The following TBC1D4 variants were observed in gnomAD, a reference collection of about 807,000 sequenced individuals.
The protein encoded by TBC1D4 is TBC (Tre-2, BUB2, CDC16) domain-containing protein.
In TBC1D4, 121 loss-of-function variants were observed where a neutral mutation model predicts 142.5. That is an observed-to-expected ratio of 0.85 (90% CI 0.73 to 0.99). TBC1D4 has a LOEUF of 0.99. TBC1D4 is among the 50% of genes least tolerant of loss of function. The probability of loss-of-function intolerance (pLI) is 0.00; values close to 1 mark genes in which losing one functional copy is unlikely to be tolerated. For synonymous variants in TBC1D4, 630 were observed against 628.2 expected (o/e 1.00, Z -0.04); for missense variants, 1,475 against 1,606.6 (o/e 0.92, Z 1.40).
chr13:75,341,513 T>C lies in TBC1D4; in HGVS notation c.1483A>G (p.Ile495Val), dbSNP rs766659523. ...AATGTTACCTGAACTCTTTCAAAGATGTCAGCTTGCTCATTATCTGTCAGT... is the reference window on the plus strand; with the variant it reads ...AATGTTACCTGAACTCTTTCAAAGACGTCAGCTTGCTCATTATCTGTCAGT... ...SSLTDNEQAD[I>V]FERVQKMKPV... Residue 495 changes from isoleucine to valine, a missense_variant, in exon 6 of 21, where the codon ATC becomes GTC. Physicochemically the swap from Ile to Val is conservative, Grantham distance 29. This residue lies in a region of TBC1D4 where 1,227 missense variants were observed against 1,267.7 expected (regional missense o/e 0.97). Transcript: ENST00000377636. 46 of 1,614,058 alleles carry C rather than the reference T, an allele frequency of 2.8e-5. No homozygotes were observed. The highest frequency in any genetic ancestry group is 3.8e-5 in the Non-Finnish European group (45 of 1,179,978).
intron 1 of TBC1D4, among the ~76,000 whole-genome samples, chr13:75,401,390 G>A (rs1272045634): frequency 2.0e-5 from 3 of 152,036 alleles, no homozygotes; most frequent in East Asian, 1.9e-4. Context: ...CATCAGATAT[G>A]TCAGTCAAGG....
At chr13:75,293,454 T>C (rs1043062512) in intron 18 of TBC1D4, among the ~76,000 whole-genome samples, 28 of 152,204 alleles carry the variant, frequency 1.8e-4, no homozygotes, top group African/African-American at 6.8e-4. Flanking sequence ...TTTCTTGAAC[T>C]CTTGATATCA....
chr13:75,372,139 C>T (rs1393466994), intron 1 of TBC1D4, among the ~76,000 whole-genome samples: 4 of 152,078 alleles, frequency 2.6e-5, no homozygotes, highest in Non-Finnish European at 5.9e-5. Context: ...TCTTTATTTT[C>T]GAGATCCATG....
chr13:75,384,156 C>T (rs1884032024), intron 1 of TBC1D4, among the ~76,000 whole-genome samples: 3 of 152,150 alleles, frequency 2.0e-5, no homozygotes, highest in Non-Finnish European at 4.4e-5. Context: ...GGTGCAGTGG[C>T]TCACGCCTGT....
intron 8 of TBC1D4, among the ~76,000 whole-genome samples, chr13:75,332,986 A>G (rs944050525): frequency 9.8e-5 from 15 of 152,382 alleles, no homozygotes; most frequent in Non-Finnish European, 7.3e-5. Context: ...TAATGCTACT[A>G]AGGTTAAACA....
At chr13:75,473,315 ATAACCCATTAT>A (rs1416011032) in intron 1 of TBC1D4, among the ~76,000 whole-genome samples, 5 of 152,238 alleles carry the variant, frequency 3.3e-5, no homozygotes, top group African/African-American at 1.2e-4. Context: ...TCCAAGTTAC[ATAACCCATTAT>A]TAAAAATATA....
intron 1 of TBC1D4, among the ~76,000 whole-genome samples, chr13:75,370,617 C>T (rs2138208973): frequency 6.6e-6 from 1 of 152,198 alleles, no homozygotes; most frequent in East Asian, 1.9e-4. Flanking sequence ...CGGTTTAGGG[C>T]CACAGGAATT....
rs1214134186 is a variant in TBC1D4 at position 75,302,322 on chromosome 13, T to TTTA, written c.2829_2831dup (p.Asn943dup). On this transcript the variant is annotated inframe_insertion, in exon 16 of 21. Coordinates refer to ENST00000377636, the MANE Select transcript of TBC1D4 (RefSeq NM_014832.5). ...TATAGGATATGTCAGGAGGCTGTTGTTTATTAGGCAATCTGTGTCTGAGTC... is the reference window on the plus strand; with the variant it reads ...TATAGGATATGTCAGGAGGCTGTTGTTTATTATTAGGCAATCTGTGTCTGAGTC... 7 of 1,614,218 alleles carry TTTA rather than the reference T, an allele frequency of 4.3e-6. No individual in the cohort carries two copies. Among genetic ancestry groups the TTTA allele is most frequent in the Non-Finnish European group, 5.9e-6 (7 of 1,180,044 alleles).
At chr13:75,361,227 G>T (rs1029790810) in intron 2 of TBC1D4, among the ~76,000 whole-genome samples, 5 of 152,060 alleles carry the variant, frequency 3.3e-5, no homozygotes, top group African/African-American at 1.2e-4. Context: ...TTTCTTTAAC[G>T]TCTTTTGGTG....
intron 1 of TBC1D4, among the ~76,000 whole-genome samples, chr13:75,480,353 G>T (rs1215128268): frequency 6.6e-6 from 1 of 152,128 alleles, no homozygotes; most frequent in Non-Finnish European, 1.5e-5. Context: ...ACAGCATTTT[G>T]GAAGCTTTTG....
At chr13:75,476,399 C>T (rs1449627653) in intron 1 of TBC1D4, among the ~76,000 whole-genome samples, 3 of 152,160 alleles carry the variant, frequency 2.0e-5, no homozygotes, top group African/African-American at 7.2e-5. Context: ...CCTGTAGTGT[C>T]ATGTTGATGC....
intron 1 of TBC1D4, among the ~76,000 whole-genome samples, chr13:75,409,814 C>G (rs577227541): frequency 1.3e-5 from 2 of 152,308 alleles, no homozygotes; most frequent in East Asian, 1.9e-4. Flanking sequence ...GAACCCTTTG[C>G]TAGATAGCTA....
chr13:75,354,535 A>G (rs1045432403), intron 4 of TBC1D4, among the ~76,000 whole-genome samples: 2 of 152,228 alleles, frequency 1.3e-5, no homozygotes, highest in Non-Finnish European at 2.9e-5. Flanking sequence ...TTGTAAGTAG[A>G]GAAGTTAGGT....
chr13:75,374,733 C>T (rs1164167832), intron 1 of TBC1D4, among the ~76,000 whole-genome samples: 2 of 152,162 alleles, frequency 1.3e-5, no homozygotes, highest in African/African-American at 2.4e-5. Context: ...ACTTCAAAGT[C>T]AGAAACCAAA....
At chr13:75,309,016 G>C (rs1877472556) in intron 14 of TBC1D4, among the ~76,000 whole-genome samples, 1 of 152,080 alleles carries the variant, frequency 6.6e-6, no homozygotes, top group Non-Finnish European at 1.5e-5. Context: ...TACTAAAAAA[G>C]CTGTATGAAA....
At chr13:75,344,325 G>T (rs113765192) in intron 5 of TBC1D4, among the ~76,000 whole-genome samples, 106 of 152,318 alleles carry the variant, frequency 7.0e-4, no homozygotes, top group African/African-American at 2.4e-3. Context: ...GTAGTTATTT[G>T]AAGTATGTAA....
intron 19 of TBC1D4, among the ~76,000 whole-genome samples, chr13:75,291,624 G>A (rs1566340485): frequency 6.6e-6 from 1 of 152,132 alleles, no homozygotes; most frequent in South Asian, 2.1e-4. Flanking sequence ...AACTTGTCCA[G>A]TACTGTCCCA....
At chr13:75,430,660 G>A (rs527359779) in intron 1 of TBC1D4, among the ~76,000 whole-genome samples, 51 of 152,188 alleles carry the variant, frequency 3.4e-4, no homozygotes, top group Non-Finnish European at 5.9e-4. Context: ...CTTGCCAAAT[G>A]TTTATTATAT....
chr13:75,348,655 T>C (rs1881342523), intron 5 of TBC1D4, among the ~76,000 whole-genome samples: 1 of 152,224 alleles, frequency 6.6e-6, no homozygotes, highest in African/African-American at 2.4e-5. Flanking sequence ...CTTTATATTA[T>C]CACCTCTATT....
Sources: allele counts gnomAD v4.1 joint callset (sites outside exome capture counted in the v4.1 genomes callset), GRCh38; gene constraint gnomAD v4.1.1; regional missense constraint gnomAD v4.1.1; transcripts MANE v1.5; gene names NCBI Gene and HGNC (gene_info 2026-07-23, HGNC 2026-07-21).